GBE1: variants seen among roughly 807,000 people sequenced by gnomAD.
GBE1 encodes the protein 1,4-alpha-glucan-branching enzyme.
A neutral mutation model predicts 88.8 loss-of-function variants in GBE1; 70 were observed. The ratio of observed to expected loss-of-function variants is 0.79; its 90% CI spans 0.65 to 0.96. The LOEUF (loss-of-function observed/expected upper bound fraction) is 0.96. Ranked by LOEUF, GBE1 falls within the 40% of genes least tolerant of loss-of-function variation. GBE1 has a pLI of 0.00. For synonymous variants in GBE1, 284 were observed against 300.1 expected (o/e 0.95, Z 0.56); for missense variants, 872 against 871.0 (o/e 1.00, Z -0.01).
intron 2 of GBE1, among the ~76,000 whole-genome samples, chr3:81,683,341 G>C (rs887535144): frequency 2.6e-5 from 4 of 152,046 alleles, no homozygotes; most frequent in Admixed American, 2.6e-4. Context: ...AATAAAATCA[G>C]GTTCTGTTGG....
At chr3:81,612,266 T>C (rs1704192970) in intron 7 of GBE1, 3 of 579,976 alleles carry the variant, frequency 5.2e-6, no homozygotes, top group Non-Finnish European at 8.3e-6. Flanking sequence ...CTCTGGTTCC[T>C]CATGTTGCCT....
chr3:81,684,131 T>C (rs2107134510), intron 2 of GBE1, among the ~76,000 whole-genome samples: 1 of 152,186 alleles, frequency 6.6e-6, no homozygotes, highest in East Asian at 1.9e-4. Flanking sequence ...GAAAATACAC[T>C]CCAAGAGGGA....
At chr3:81,744,671 CA>C (rs1198116817) in intron 1 of GBE1, among the ~76,000 whole-genome samples, 3 of 152,250 alleles carry the variant, frequency 2.0e-5, no homozygotes, top group Non-Finnish European at 2.9e-5. Flanking sequence ...ATATGATTTG[CA>C]AGCTATTTTA....
chr3:81,710,136 C>T (rs1705839349), intron 1 of GBE1, among the ~76,000 whole-genome samples: 1 of 151,220 alleles, frequency 6.6e-6, no homozygotes, highest in Non-Finnish European at 1.5e-5. Flanking sequence ...CATCATTAAT[C>T]ACAAAAGGTA....
Position 81,493,658 on chromosome 3 carries a change from G to A in GBE1, c.2053-3195C>T, listed in dbSNP as rs542132208. 2.6e-5 allele frequency among the ~76,000 whole-genome samples: 4 copies of A among 151,496 alleles called. 1 individual carries two copies. Among genetic ancestry groups the A allele is most frequent in the African/African-American group, 7.3e-5 (3 of 41,326 alleles). On this transcript the variant is annotated intron_variant, in intron 15 of 15. Coordinates refer to ENST00000429644, the MANE Select transcript of GBE1 (RefSeq NM_000158.4). ...AGTGATTCTCCTGCCTCAGCCTCCT[G>A]AGTAGCTGGGATTACAGGGATGCGC...
chr3:81,628,740 T>A (rs2107028488), intron 7 of GBE1, among the ~76,000 whole-genome samples: 1 of 96,474 alleles, frequency 1.0e-5, no homozygotes, highest in Non-Finnish European at 2.1e-5. Context: ...AAAGAACAAT[T>A]GCATATATAT....
chr3:81,620,961 G>A (rs1044390920), intron 7 of GBE1, among the ~76,000 whole-genome samples: 2 of 152,168 alleles, frequency 1.3e-5, no homozygotes, highest in Non-Finnish European at 2.9e-5. Flanking sequence ...GTATACGAGA[G>A]GACAGCAATA....
chr3:81,493,643 C>T (rs996861338), intron 15 of GBE1, among the ~76,000 whole-genome samples: 28 of 151,904 alleles, frequency 1.8e-4, no homozygotes, highest in African/African-American at 6.5e-4. Flanking sequence ...AGTGATTCTC[C>T]TGCCTCAGCC....
intron 2 of GBE1, among the ~76,000 whole-genome samples, chr3:81,673,689 C>T (rs1449769122): frequency 6.6e-6 from 1 of 151,860 alleles, no homozygotes; most frequent in Non-Finnish European, 1.5e-5. Context: ...AAGAAAAATA[C>T]TTTAACTATG....
At chr3:81,500,670 T>C (rs1184882493) in intron 14 of GBE1, among the ~76,000 whole-genome samples, 1 of 152,196 alleles carries the variant, frequency 6.6e-6, no homozygotes, top group Non-Finnish European at 1.5e-5. Context: ...CACTGACTGG[T>C]AGTCATGTTA....
intron 9 of GBE1, among the ~76,000 whole-genome samples, chr3:81,588,991 C>A (rs1365882406): frequency 6.6e-6 from 1 of 151,886 alleles, no homozygotes; most frequent in Non-Finnish European, 1.5e-5. Context: ...TTCAGCCCTC[C>A]TTTTGAAGGT....
intron 1 of GBE1, among the ~76,000 whole-genome samples, chr3:81,714,214 A>C (rs1705909635): frequency 6.6e-6 from 1 of 152,190 alleles, no homozygotes; most frequent in Admixed American, 6.6e-5. Flanking sequence ...GTTTTCAATG[A>C]ACAAATATTT....
intron 1 of GBE1, 30 bp from the exon 2 acceptor site, chr3:81,705,643 A>C (rs765842072): frequency 4.2e-6 from 6 of 1,440,954 alleles, no homozygotes; most frequent in East Asian, 2.6e-5. Flanking sequence ...AAAATGAGTT[A>C]GAAAATTAAA....
intron 12 of GBE1, among the ~76,000 whole-genome samples, chr3:81,562,823 T>C (rs560561440): frequency 5.9e-4 from 89 of 151,952 alleles, no homozygotes; most frequent in African/African-American, 2.1e-3. Context: ...AACTGAGAGA[T>C]TCTCTTTACT....
At chr3:81,715,236 G>GTGATAGA (rs1225470728) in intron 1 of GBE1, among the ~76,000 whole-genome samples, 1 of 152,118 alleles carries the variant, frequency 6.6e-6, no homozygotes, top group Non-Finnish European at 1.5e-5. Flanking sequence ...AGAATTCAAT[G>GTGATAGA]CATCAGCTCA....
At chr3:81,589,215 C>A (rs959559517) in intron 9 of GBE1, among the ~76,000 whole-genome samples, 3 of 151,694 alleles carry the variant, frequency 2.0e-5, no homozygotes, top group Non-Finnish European at 4.4e-5. Context: ...ATACATCAAT[C>A]AAAAATGTTT....
At chr3:81,505,840 A>G (rs1702646346) in intron 14 of GBE1, among the ~76,000 whole-genome samples, 1 of 152,076 alleles carries the variant, frequency 6.6e-6, no homozygotes, top group African/African-American at 2.4e-5. Flanking sequence ...TTAAGCAGTC[A>G]TCATTAAAAA....
chr3:81,562,499 T>C (rs1300044314), intron 12 of GBE1, among the ~76,000 whole-genome samples: 1 of 152,030 alleles, frequency 6.6e-6, no homozygotes, highest in Non-Finnish European at 1.5e-5. Flanking sequence ...CCTTTATAAA[T>C]CTGAAAGCCA....
At chr3:81,703,517 A>G (rs1434304088) in intron 2 of GBE1, among the ~76,000 whole-genome samples, 2 of 151,994 alleles carry the variant, frequency 1.3e-5, no homozygotes, top group African/African-American at 4.8e-5. Context: ...CAACTTAGAA[A>G]CTGAATTTTA....
Sources: gnomAD v4.1 joint callset for allele counts (sites outside exome capture counted in the v4.1 genomes callset) on GRCh38, gnomAD v4.1.1 for gene constraint, MANE v1.5 for transcripts, NCBI Gene and HGNC (gene_info 2026-07-23, HGNC 2026-07-21) for gene names.